The following BSPH1 variants were observed in gnomAD, a reference collection of about 807,000 sequenced individuals.
BSPH1 encodes binder of sperm protein homolog 1, also known as binder of sperm 1.
BSPH1 carries 21 observed loss-of-function variants against 22.5 expected under a neutral mutation model. The observed-to-expected ratio is 0.93, with a 90% CI of 0.66 to 1.35. The LOEUF (loss-of-function observed/expected upper bound fraction) is 1.35. Ranked by LOEUF, BSPH1 falls within the 40% of genes most tolerant of loss-of-function variation. The pLI is 0.00. For synonymous variants in BSPH1, 42 were observed against 53.6 expected (o/e 0.78, Z 0.95); for missense variants, 141 against 154.2 (o/e 0.91, Z 0.45).
chr19:47,987,386 T>C (rs1433202730), intron 1 of BSPH1, among the ~76,000 whole-genome samples: 1 of 83,842 alleles, frequency 1.2e-5, no homozygotes. Flanking sequence ...TAGTACTTAC[T>C]TTTTTTTTTT....
intron 1 of BSPH1, among the ~76,000 whole-genome samples, chr19:47,985,977 T>C (rs1723786992): frequency 6.6e-6 from 1 of 152,206 alleles, no homozygotes; most frequent in South Asian, 2.1e-4. Flanking sequence ...ACAGCATATA[T>C]TGGCATTCTT....
intron 3 of BSPH1, among the ~76,000 whole-genome samples, chr19:47,979,162 C>A (rs1969395317): frequency 6.6e-6 from 1 of 152,024 alleles, no homozygotes; most frequent in Non-Finnish European, 1.5e-5. Context: ...TCTTCTTCTT[C>A]CTTCCTCCCT....
chr19:47,969,284 T>C (rs1321049206), intron 5 of BSPH1, among the ~76,000 whole-genome samples: 1 of 152,096 alleles, frequency 6.6e-6, no homozygotes, highest in Admixed American at 6.6e-5. Context: ...GGTCATGAGA[T>C]GGGAAGATTA....
intron 5 of BSPH1, among the ~76,000 whole-genome samples, chr19:47,970,413 G>T (rs1969301610): frequency 6.6e-6 from 1 of 152,176 alleles, no homozygotes; most frequent in South Asian, 2.1e-4. Flanking sequence ...AGATATGTGG[G>T]TTGGTTGTTG....
intron 5 of BSPH1, among the ~76,000 whole-genome samples, chr19:47,970,674 C>T (rs968198914): frequency 6.6e-6 from 1 of 152,114 alleles, no homozygotes; most frequent in African/African-American, 2.4e-5. Context: ...TTATTGTTTA[C>T]CAAATACCCT....
rs1966876682 is a variant in BSPH1, at chr19:47,992,133, A to G, written c.-52T>C. 1.4e-6 allele frequency: 2 copies of G among 1,457,682 alleles called. No individual in the cohort carries two copies. Among genetic ancestry groups the G allele is most frequent in the Non-Finnish European group, 1.9e-6 (2 of 1,062,318 alleles). The allele number at this position is 1,457,682 out of a possible 1,614,324, so 90.3% of individuals were successfully genotyped here. ...CAGATCTTCCTGGTCTTTGTCAGCC[A>G]GGGCTCAAGAATCCCCTGGAGAGGC... is the stretch of plus-strand genomic sequence containing the variant. On this transcript the variant is annotated 5_prime_UTR_variant, in exon 1 of 6. Transcript: ENST00000344839.
chr19:47,987,700 T>C (rs1424322451), intron 1 of BSPH1, among the ~76,000 whole-genome samples: 2 of 152,220 alleles, frequency 1.3e-5, no homozygotes, highest in Admixed American at 6.5e-5. Context: ...AAAACAACCT[T>C]GATCAAAGAA....
chr19:47,975,014 C>T (rs1969348140), intron 5 of BSPH1, among the ~76,000 whole-genome samples: 1 of 152,132 alleles, frequency 6.6e-6, no homozygotes, highest in African/African-American at 2.4e-5. Context: ...TATGAATCCC[C>T]TCAAATCTAC....
chr19:47,978,001 GATATATATATATATAT>G (rs10609973), intron 3 of BSPH1, among the ~76,000 whole-genome samples: 1 of 110,458 alleles, frequency 9.1e-6, no homozygotes, highest in Non-Finnish European at 1.9e-5. Flanking sequence ...GTTAATACAG[GATATATATATATATAT>G]ATATATATAT....
chr19:47,972,244 G>C (rs997751516), intron 5 of BSPH1, among the ~76,000 whole-genome samples: 2 of 150,190 alleles, frequency 1.3e-5, no homozygotes, highest in African/African-American at 4.9e-5. Flanking sequence ...CAGACTGAAT[G>C]CTTGATTCCA....
intron 1 of BSPH1, among the ~76,000 whole-genome samples, chr19:47,983,393 T>C (rs1367202711): frequency 6.6e-6 from 1 of 152,208 alleles, no homozygotes; most frequent in East Asian, 1.9e-4. Context: ...AGTGAAACTA[T>C]TAGGAAATGG....
chr19:47,988,054 TA>T (rs1453501687), intron 1 of BSPH1, among the ~76,000 whole-genome samples: 2 of 151,628 alleles, frequency 1.3e-5, no homozygotes, highest in Non-Finnish European at 2.9e-5. Context: ...TTTTAAAAAT[TA>T]AAAAAAGAGA....
intron 1 of BSPH1, among the ~76,000 whole-genome samples, chr19:47,986,411 C>T (rs745990670): frequency 7.2e-5 from 11 of 152,120 alleles, no homozygotes; most frequent in Non-Finnish European, 1.0e-4. Flanking sequence ...AGCCGCGTGG[C>T]CTCTGTGATT....
At chr19:47,981,585 TC>T (rs1224706295) in intron 1 of BSPH1, among the ~76,000 whole-genome samples, 1 of 152,042 alleles carries the variant, frequency 6.6e-6, no homozygotes, top group Admixed American at 6.6e-5. Flanking sequence ...TCAATTTGAA[TC>T]CCCCCGGAGG....
At chr19:47,989,119 A>T (rs1468044275) in intron 1 of BSPH1, among the ~76,000 whole-genome samples, 1 of 75,566 alleles carries the variant, frequency 1.3e-5, no homozygotes, top group Non-Finnish European at 2.5e-5. Flanking sequence ...TTTTATTATT[A>T]TTATTATTAT....
downstream of BSPH1, chr19:47,967,971 T>C (rs965985781): frequency 6.6e-6 from 1 of 152,180 alleles, no homozygotes; most frequent in Admixed American, 6.6e-5. Context: ...GGAAGATGCA[T>C]CTTAGTGGAT....
intron 2 of BSPH1, 46 bp downstream of exon 2, chr19:47,980,874 CA>C: frequency 1.7e-6 from 2 of 1,199,872 alleles, no homozygotes; most frequent in Non-Finnish European, 2.3e-6. Flanking sequence ...CATTTTATTG[CA>C]AAAATTTGAA....
At chr19:47,991,954 G>A in intron 1 of BSPH1, 55 bp downstream of exon 1, 1 of 1,186,892 alleles carries the variant, frequency 8.4e-7, no homozygotes, top group Non-Finnish European at 1.2e-6. Context: ...CTCTCACTCT[G>A]CTCCAAAGTT....
At chr19:47,975,321 G>A (rs1213160092) in intron 5 of BSPH1, among the ~76,000 whole-genome samples, 2 of 151,944 alleles carry the variant, frequency 1.3e-5, no homozygotes, top group South Asian at 2.1e-4. Context: ...GTCAGCCACC[G>A]CTCCTGGCCT....
Sources: gnomAD v4.1 joint callset for allele counts (sites outside exome capture counted in the v4.1 genomes callset) on GRCh38, gnomAD v4.1.1 for gene constraint, MANE v1.5 for transcripts, NCBI Gene and HGNC (gene_info 2026-07-23, HGNC 2026-07-21) for gene names.